XPR1: variants seen among roughly 807,000 people sequenced by gnomAD.
The protein encoded by XPR1 is solute carrier family 53 member 1.
XPR1 carries 28 observed loss-of-function variants against 87.5 expected under a neutral mutation model. The observed-to-expected ratio is 0.32, with a 90% CI of 0.24 to 0.44. The LOEUF (loss-of-function observed/expected upper bound fraction) is 0.44. Among genes scored for constraint, XPR1 ranks in the 20% least tolerant of loss-of-function variants. The probability of loss-of-function intolerance (pLI) is 1.00; values close to 1 mark genes in which losing one functional copy is unlikely to be tolerated. For synonymous variants in XPR1, 300 were observed against 306.1 expected (o/e 0.98, Z 0.21); for missense variants, 559 against 862.3 (o/e 0.65, Z 4.41).
At chr1:180,637,925 T>C (rs1396998335) in intron 1 of XPR1, among the ~76,000 whole-genome samples, 1 of 152,220 alleles carries the variant, frequency 6.6e-6, no homozygotes, top group African/African-American at 2.4e-5. Context: ...AGTGTATATA[T>C]TATGAGTATT....
At chr1:180,803,338 A>G (rs770096208) in intron 3 of XPR1, 50 bp from the exon 4 acceptor site, 2 of 1,534,840 alleles carry the variant, frequency 1.3e-6, no homozygotes, top group South Asian at 1.2e-5. Context: ...AGAAGTCAGT[A>G]GGAACTTTTT....
intron 1 of XPR1, among the ~76,000 whole-genome samples, chr1:180,654,467 A>T (rs1335411271): frequency 6.6e-6 from 1 of 152,188 alleles, no homozygotes; most frequent in Admixed American, 6.5e-5. Context: ...GTTCAGTGGC[A>T]TTAAGTATTT....
At chr1:180,851,466 T>C in intron 11 of XPR1, among the ~76,000 whole-genome samples, 1 of 152,260 alleles carries the variant, frequency 6.6e-6, no homozygotes, top group East Asian at 1.9e-4. Flanking sequence ...TTATACAGAA[T>C]TATAAAATAA....
chr1:180,732,765 A>G (rs1044867162), intron 2 of XPR1, among the ~76,000 whole-genome samples: 3 of 152,218 alleles, frequency 2.0e-5, no homozygotes, highest in African/African-American at 7.2e-5. Context: ...TACCAGCTCA[A>G]TTAGACCCTT....
At position 180,823,489 on chromosome 1, in the gene XPR1, A is replaced by G. The variant is rs114902359; in HGVS notation, c.764-1264A>G. Among the ~76,000 whole-genome samples, 1,189 of 152,308 alleles carry G rather than the reference A, an allele frequency of 7.8e-3. 18 individuals carry two copies. Among genetic ancestry groups the G allele is most frequent in the African/African-American group, 0.027 (1,136 of 41,560 alleles). ...GGCCATTTTAAGTAGAGGGAACAAC[A>G]TAAGTAAATGTGAAAAACAAACTTA... On this transcript the variant is annotated intron_variant, in intron 7 of 14. Coordinates refer to ENST00000367590, the MANE Select transcript of XPR1 (RefSeq NM_004736.4).
intron 9 of XPR1, among the ~76,000 whole-genome samples, chr1:180,829,275 G>A (rs1206841754): frequency 6.6e-6 from 1 of 152,062 alleles, no homozygotes; most frequent in African/African-American, 2.4e-5. Context: ...TTGTGTAGGT[G>A]GTAAAATATC....
chr1:180,748,185 A>G lies in XPR1; in HGVS notation c.122-39568A>G, dbSNP rs114557331. Among the ~76,000 whole-genome samples, 1,506 of 152,124 alleles carry G rather than the reference A, an allele frequency of 9.9e-3. 19 individuals carry two copies. Among genetic ancestry groups the G allele is most frequent in the African/African-American group, 0.033 (1,375 of 41,512 alleles). On this transcript the variant is annotated intron_variant, in intron 2 of 14. Transcript: ENST00000367590. The stretch of plus-strand genomic sequence containing the variant: ...ATTCTCTTGTCTGTGAAACATTTCT[A>G]TGGTGTCTAGCCAGTGGTATATTGG...
intron 12 of XPR1, among the ~76,000 whole-genome samples, chr1:180,866,609 T>C (rs1652400134): frequency 6.6e-6 from 1 of 152,148 alleles, no homozygotes; most frequent in Non-Finnish European, 1.5e-5. Flanking sequence ...AGCCTAATAA[T>C]AAAGTGAATG....
At chr1:180,749,094 A>C (rs1647409851) in intron 2 of XPR1, among the ~76,000 whole-genome samples, 1 of 152,166 alleles carries the variant, frequency 6.6e-6, no homozygotes, top group South Asian at 2.1e-4. Context: ...CCAGTTACTC[A>C]AGAGGCTGAG....
At chr1:180,690,563 C>G (rs929092703) in intron 2 of XPR1, among the ~76,000 whole-genome samples, 4 of 151,940 alleles carry the variant, frequency 2.6e-5, no homozygotes, top group African/African-American at 9.7e-5. Context: ...CCATTTTTTC[C>G]TAGGCTCCTT....
intron 13 of XPR1, among the ~76,000 whole-genome samples, chr1:180,874,723 A>C (rs891430012): frequency 2.0e-5 from 3 of 152,176 alleles, no homozygotes; most frequent in Non-Finnish European, 4.4e-5. Context: ...TCTAAAAAAA[A>C]ATCAGACAAG....
chr1:180,635,398 G>T (rs1437554945), intron 1 of XPR1, among the ~76,000 whole-genome samples: 2 of 152,156 alleles, frequency 1.3e-5, no homozygotes, highest in Admixed American at 1.3e-4. Context: ...AATTAACTGA[G>T]ACTGGTTTCA....
At chr1:180,762,751 A>G (rs1648096384) in intron 2 of XPR1, among the ~76,000 whole-genome samples, 1 of 152,220 alleles carries the variant, frequency 6.6e-6, no homozygotes, top group Non-Finnish European at 1.5e-5. Context: ...CCCCAGAAAG[A>G]CACTGACTAC....
intron 7 of XPR1, among the ~76,000 whole-genome samples, chr1:180,819,155 T>C (rs1022556050): frequency 2.0e-5 from 3 of 151,880 alleles, no homozygotes; most frequent in Non-Finnish European, 4.4e-5. Context: ...AGTCTCACTA[T>C]ATCGCCTAGG....
intron 1 of XPR1, among the ~76,000 whole-genome samples, chr1:180,639,116 G>A (rs1654880396): frequency 6.6e-6 from 1 of 152,108 alleles, no homozygotes; most frequent in South Asian, 2.1e-4. Flanking sequence ...GGCCAACATG[G>A]TGAAACCCCA....
intron 2 of XPR1, among the ~76,000 whole-genome samples, chr1:180,686,152 C>A (rs1278782239): frequency 6.6e-6 from 1 of 152,150 alleles, no homozygotes; most frequent in Non-Finnish European, 1.5e-5. Context: ...CTACACACTG[C>A]TTTGAATGTG....
At chr1:180,716,698 G>GTCTTAC (rs1399761052) in intron 2 of XPR1, among the ~76,000 whole-genome samples, 3 of 152,168 alleles carry the variant, frequency 2.0e-5, no homozygotes, top group Admixed American at 1.3e-4. Flanking sequence ...TAGGCTAAGT[G>GTCTTAC]TCTTCAGAAA....
intron 11 of XPR1, among the ~76,000 whole-genome samples, chr1:180,838,664 C>A (rs553218970): frequency 2.1e-3 from 315 of 152,070 alleles, no homozygotes; most frequent in Non-Finnish European, 3.7e-3. Flanking sequence ...TAAATAATTA[C>A]AAAAGATACC....
At chr1:180,758,743 A>G (rs1335578217) in intron 2 of XPR1, 1 of 152,352 alleles carries the variant, frequency 6.6e-6, no homozygotes, top group African/African-American at 2.4e-5. Flanking sequence ...GGCAGCACAT[A>G]TACTAAAATT....
Sources: allele counts gnomAD v4.1 joint callset (sites outside exome capture counted in the v4.1 genomes callset), GRCh38; gene constraint gnomAD v4.1.1; transcripts MANE v1.5; gene names NCBI Gene and HGNC (gene_info 2026-07-23, HGNC 2026-07-21).